The following JMJD1C variants were observed in gnomAD, a reference collection of about 807,000 sequenced individuals.
JMJD1C encodes the protein jumonji domain-containing protein 1C.
JMJD1C carries 31 observed loss-of-function variants against 245.3 expected under a neutral mutation model. The ratio of observed to expected loss-of-function variants is 0.13; its 90% confidence interval spans 0.09 to 0.17. The LOEUF (loss-of-function observed/expected upper bound fraction) is 0.17, where lower values mean the gene tolerates loss of function less well. Among genes scored for constraint, JMJD1C ranks in the 10% least tolerant of loss-of-function variants. The pLI is 1.00. For synonymous variants in JMJD1C, 1,057 were observed against 1,017.4 expected (o/e 1.04, Z -0.74); for missense variants, 2,691 against 3,000.2 (o/e 0.90, Z 2.41).
At chr10:63,476,706 AT>A (rs1953672159) in intron 1 of JMJD1C, among the ~76,000 whole-genome samples, 1 of 152,186 alleles carries the variant, frequency 6.6e-6, no homozygotes, top group African/African-American at 2.4e-5. Context: ...TCCAGCCTGG[AT>A]GACAGAGCAA....
intron 1 of JMJD1C, among the ~76,000 whole-genome samples, chr10:63,405,145 C>A (rs975117230): frequency 6.6e-6 from 1 of 152,106 alleles, no homozygotes; most frequent in Non-Finnish European, 1.5e-5. Flanking sequence ...CATTCTCTCA[C>A]TTCATTTTTA....
intron 1 of JMJD1C, among the ~76,000 whole-genome samples, chr10:63,480,740 G>A (rs1953806854): frequency 2.0e-5 from 3 of 150,708 alleles, no homozygotes; most frequent in Non-Finnish European, 3.0e-5. Flanking sequence ...TTGCTACATT[G>A]CTGTTATATC....
chr10:63,220,469 C>G (rs1258059804), intron 3 of JMJD1C, among the ~76,000 whole-genome samples: 1 of 152,192 alleles, frequency 6.6e-6, no homozygotes, highest in Non-Finnish European at 1.5e-5. Flanking sequence ...AAATTCAGTT[C>G]TACTCACAGT....
intron 3 of JMJD1C, among the ~76,000 whole-genome samples, chr10:63,238,400 A>G (rs1851045063): frequency 2.6e-5 from 4 of 152,140 alleles, no homozygotes; most frequent in Admixed American, 1.3e-4. Context: ...TGAATGAAGC[A>G]TATTAAATGC....
chr10:63,458,392 G>A (rs940361865), intron 1 of JMJD1C, among the ~76,000 whole-genome samples: 15 of 151,982 alleles, frequency 9.9e-5, no homozygotes, highest in African/African-American at 2.4e-5. Context: ...TAGGGCTGAG[G>A]TGGGAGGATC....
At chr10:63,490,187 T>C (rs1284389041) in intron 1 of JMJD1C, among the ~76,000 whole-genome samples, 4 of 152,178 alleles carry the variant, frequency 2.6e-5, no homozygotes, top group African/African-American at 7.2e-5. Flanking sequence ...ATGTACAAGC[T>C]GTCTCCAACC....
chr10:63,485,926 A>C (rs1953978990), intron 1 of JMJD1C, among the ~76,000 whole-genome samples: 1 of 152,098 alleles, frequency 6.6e-6, no homozygotes, highest in African/African-American at 2.4e-5. Context: ...AAGACAAATA[A>C]AACGGCCTAT....
In JMJD1C at chr10:63,214,138, T is replaced by C. The variant is rs1256067775; in HGVS notation, c.2029A>G (p.Ile677Val). The change falls in exon 8 of 26, where the codon ATA becomes GTA. Residue 677 changes from isoleucine to valine, a missense_variant. This residue lies in a region of JMJD1C where 1,562 missense variants were observed against 1,490.7 expected (regional missense o/e 1.05). Coordinates refer to ENST00000399262, the MANE Select transcript of JMJD1C (RefSeq NM_032776.3). ...CTGCATCTTGATAGCTCATGTTCTA[T>C]CTTATTTGCCAATCTTCTTTCACCA... ...ATGERRLANK[I>V]EHELSRCSFH... 2 of 1,614,096 alleles carry C rather than the reference T, an allele frequency of 1.2e-6. No homozygotes were observed. Among genetic ancestry groups the C allele is most frequent in the African/African-American group, 1.3e-5 (1 of 74,942 alleles).
intron 1 of JMJD1C, among the ~76,000 whole-genome samples, chr10:63,437,971 G>A (rs559038833): frequency 6.6e-6 from 1 of 152,082 alleles, no homozygotes; most frequent in African/African-American, 2.4e-5. Context: ...TAACACTTAG[G>A]TATGTTCTAT....
At chr10:63,457,456 T>C (rs887683069) in intron 1 of JMJD1C, among the ~76,000 whole-genome samples, 1 of 152,174 alleles carries the variant, frequency 6.6e-6, no homozygotes, top group East Asian at 1.9e-4. Context: ...CAAACTTTAA[T>C]TGCAGATTTG....
At chr10:63,514,782 TA>T (rs1294411211) in intron 1 of JMJD1C, among the ~76,000 whole-genome samples, 10 of 150,774 alleles carry the variant, frequency 6.6e-5, no homozygotes, top group African/African-American at 2.4e-4. Context: ...AATAAAAGCT[TA>T]AAAAAAAAGT....
chr10:63,367,130 ACACTGCAG>A (rs1945907065), intron 2 of JMJD1C, among the ~76,000 whole-genome samples: 1 of 152,230 alleles, frequency 6.6e-6, no homozygotes, highest in Non-Finnish European at 1.5e-5. Flanking sequence ...AACAAAGGTC[ACACTGCAG>A]CACTCTCAGA....
chr10:63,271,837 A>G (rs1856338101), intron 2 of JMJD1C, among the ~76,000 whole-genome samples: 1 of 152,146 alleles, frequency 6.6e-6, no homozygotes, highest in Non-Finnish European at 1.5e-5. Flanking sequence ...AGAGGCCGGG[A>G]TCAGTGGTGG....
rs1436779738 is a variant in JMJD1C, at chr10:63,295,957, ATATGTGTGTGTG to A, written c.334-31205_334-31194del. Among the ~76,000 whole-genome samples, 653 of 94,514 alleles carry A rather than the reference ATATGTGTGTGTG, an allele frequency of 6.9e-3. 21 individuals carry two copies. Among genetic ancestry groups the A allele is most frequent in the African/African-American group, 0.027 (618 of 22,674 alleles). 62.0% of individuals were successfully genotyped at this position (94,514 alleles called of 152,430 possible). A position where few individuals can be genotyped will look rare whatever the true frequency, so the allele number is the denominator to read the frequency against. ...TGTATACATATATATATATACACGTATATGTGTGTGTGTGTGTGTGTGTGTGTGTGTGTGTGT... is the reference window on the plus strand; with the variant it reads ...TGTATACATATATATATATACACGTATGTGTGTGTGTGTGTGTGTGTGTGT... On this transcript the variant is annotated intron_variant, in intron 2 of 25. Transcript: ENST00000399262.
intron 2 of JMJD1C, among the ~76,000 whole-genome samples, chr10:63,367,943 T>G (rs893549367): frequency 6.6e-6 from 1 of 152,224 alleles, no homozygotes; most frequent in African/African-American, 2.4e-5. Flanking sequence ...TACGTCTGAC[T>G]GGCGAATGTT....
chr10:63,337,201 C>T (rs1354814701), intron 2 of JMJD1C, among the ~76,000 whole-genome samples: 2 of 151,590 alleles, frequency 1.3e-5, no homozygotes, highest in African/African-American at 4.9e-5. Flanking sequence ...GAAACTCCAC[C>T]ATTGAGACCG....
intron 2 of JMJD1C, among the ~76,000 whole-genome samples, chr10:63,353,547 ACT>A (rs1246880627): frequency 6.6e-6 from 1 of 151,952 alleles, no homozygotes; most frequent in Admixed American, 6.6e-5. Flanking sequence ...AGACAGTCTC[ACT>A]CTATCACCCA....
Position 63,207,164 on chromosome 10 carries a change from G to C in JMJD1C, c.4505C>G (p.Thr1502Ser). 6.2e-7 allele frequency: 1 copy of C among 1,614,160 alleles called. No homozygotes were observed. Among genetic ancestry groups the C allele is most frequent in the South Asian group, 1.1e-5 (1 of 91,076 alleles). Residue 1502 changes from threonine (T) to serine (S), a missense_variant, in exon 10 of 26, where the codon ACT becomes AGT. Thr to Ser is a moderately conservative substitution (Grantham distance 58, BLOSUM62 1). Coordinates refer to ENST00000399262, the MANE Select transcript of JMJD1C (RefSeq NM_032776.3). ...CTGATTTTTTATAGCATTAGGTTCA[G>C]TCTCACTGGCATTACTACTTTTATA... ...AQYKSSNASE[T>S]EPNAIKNQTL...
intron 2 of JMJD1C, among the ~76,000 whole-genome samples, chr10:63,368,867 C>T (rs907232102): frequency 6.6e-6 from 1 of 151,748 alleles, no homozygotes; most frequent in Non-Finnish European, 1.5e-5. Context: ...AGGCTGGTCT[C>T]GAACTCCTGA....
Sources: allele counts gnomAD v4.1 joint callset (sites outside exome capture counted in the v4.1 genomes callset), GRCh38; gene constraint gnomAD v4.1.1; regional missense constraint gnomAD v4.1.1; transcripts MANE v1.5; gene names NCBI Gene and HGNC (gene_info 2026-07-23, HGNC 2026-07-21).